The following PPARGC1A variants were observed in gnomAD, a reference collection of about 807,000 sequenced individuals.
The protein encoded by PPARGC1A is PPARG coactivator 1 alpha, also known as peroxisome proliferator-activated receptor gamma coactivator 1-alpha.
Under a neutral mutation model 88.7 loss-of-function variants are expected in PPARGC1A, and 25 were observed. That is an observed-to-expected ratio of 0.28 (90% CI 0.21 to 0.39). PPARGC1A has a LOEUF of 0.39. PPARGC1A is among the 10% of genes least tolerant of loss of function. The pLI, the probability that PPARGC1A is intolerant of heterozygous loss-of-function variation, is 1.00. For synonymous variants in PPARGC1A, 363 were observed against 355.6 expected, an observed-to-expected ratio of 1.02 and a Z score of -0.24; for missense variants, 880 against 968.7, an observed-to-expected ratio of 0.91 and a Z score of 1.22.
chr4:23,965,430 G>A, the PPARGC1A span, among the ~76,000 whole-genome samples: 1 of 152,310 alleles, frequency 6.6e-6, no homozygotes, highest in Admixed American at 6.5e-5. Context: ...TAAGTCTTTA[G>A]TGAAAGCATA....
the PPARGC1A span, among the ~76,000 whole-genome samples, chr4:24,361,199 C>T: frequency 1.3e-5 from 2 of 151,956 alleles, no homozygotes. Context: ...GAGGACAGGG[C>T]GAGAGGTTTA....
At chr4:24,463,205 T>C in the PPARGC1A span, among the ~76,000 whole-genome samples, 1 of 152,212 alleles carries the variant, frequency 6.6e-6, no homozygotes, top group African/African-American at 2.4e-5. Flanking sequence ...CATATTTCTT[T>C]GCATATTAAC....
chr4:24,325,715 C>T, the PPARGC1A span, among the ~76,000 whole-genome samples: 2 of 152,306 alleles, frequency 1.3e-5, no homozygotes, highest in South Asian at 2.1e-4. Context: ...CGTAGACCAC[C>T]ACAGATGCCG....
At chr4:24,399,882 G>C in the PPARGC1A span, among the ~76,000 whole-genome samples, 9 of 151,162 alleles carry the variant, frequency 6.0e-5, no homozygotes, top group African/African-American at 1.7e-4. Flanking sequence ...TCTGCCTTCC[G>C]GATTCAAGCA....
the PPARGC1A span, among the ~76,000 whole-genome samples, chr4:24,469,571 T>C: frequency 6.6e-6 from 1 of 152,142 alleles, no homozygotes; most frequent in African/African-American, 2.4e-5. Context: ...CTCCCCACCA[T>C]ACAATTTCAC....
At chr4:24,136,942 C>T in the PPARGC1A span, among the ~76,000 whole-genome samples, 5 of 151,882 alleles carry the variant, frequency 3.3e-5, no homozygotes, top group East Asian at 5.8e-4. Flanking sequence ...GGTGAAACCC[C>T]GTCTCTACTA....
the PPARGC1A span, among the ~76,000 whole-genome samples, chr4:23,941,358 T>A: frequency 6.6e-6 from 1 of 152,272 alleles, no homozygotes; most frequent in East Asian, 1.9e-4. Context: ...GTACCCAGTT[T>A]TAATTTTTTT....
chr4:24,235,793 T>A, the PPARGC1A span, among the ~76,000 whole-genome samples: 1 of 152,072 alleles, frequency 6.6e-6, no homozygotes. Flanking sequence ...GGGGCAAAGG[T>A]AAGGTAGACT....
the PPARGC1A span, among the ~76,000 whole-genome samples, chr4:23,997,024 G>C: frequency 6.6e-6 from 1 of 152,184 alleles, no homozygotes; most frequent in Non-Finnish European, 1.5e-5. Flanking sequence ...TGATCAATTA[G>C]TGATGTCTGC....
At chr4:23,961,941 A>AGAAAT in the PPARGC1A span, among the ~76,000 whole-genome samples, 1 of 152,148 alleles carries the variant, frequency 6.6e-6, no homozygotes, top group Admixed American at 6.6e-5. Flanking sequence ...CCCTGGACAA[A>AGAAAT]GAAATGGGTT....
At chr4:23,887,502 C>A (rs1362402931) in intron 1 of PPARGC1A, among the ~76,000 whole-genome samples, 1 of 152,148 alleles carries the variant, frequency 6.6e-6, no homozygotes, top group Non-Finnish European at 1.5e-5. Context: ...CATTCTACTG[C>A]CTCTTTGCAA....
chr4:24,442,197 C>T, the PPARGC1A span, among the ~76,000 whole-genome samples: 1 of 152,002 alleles, frequency 6.6e-6, no homozygotes, highest in Non-Finnish European at 1.5e-5. Flanking sequence ...GATGAGTAAA[C>T]TAAATATTCT....
the PPARGC1A span, among the ~76,000 whole-genome samples, chr4:24,043,338 G>A: frequency 0.051 from 7,797 of 152,052 alleles, 500 homozygotes; most frequent in African/African-American, 0.14. Context: ...CAAACTCTTC[G>A]AGTGCTCTTC....
At chr4:24,267,664 AC>A in the PPARGC1A span, among the ~76,000 whole-genome samples, 1 of 152,180 alleles carries the variant, frequency 6.6e-6, no homozygotes, top group Non-Finnish European at 1.5e-5. Flanking sequence ...AGCATTTTAT[AC>A]TCATGACAAT....
At chr4:24,359,942 G>A in the PPARGC1A span, among the ~76,000 whole-genome samples, 1 of 152,128 alleles carries the variant, frequency 6.6e-6, no homozygotes, top group East Asian at 1.9e-4. Context: ...AGCAGCCCGA[G>A]GAAACTAATA....
the PPARGC1A span, among the ~76,000 whole-genome samples, chr4:24,145,395 G>A: frequency 1.1e-4 from 16 of 152,128 alleles, no homozygotes; most frequent in African/African-American, 2.9e-4. Context: ...AGTTGATAAC[G>A]CCATTTGACC....
the PPARGC1A span, among the ~76,000 whole-genome samples, chr4:24,225,043 G>T: frequency 1.3e-5 from 2 of 152,102 alleles, no homozygotes; most frequent in African/African-American, 2.4e-5. Context: ...AGAGGGAGGG[G>T]CTGGGGCTTC....
At chr4:24,314,948 C>T in the PPARGC1A span, among the ~76,000 whole-genome samples, 1 of 151,334 alleles carries the variant, frequency 6.6e-6, no homozygotes, top group Non-Finnish European at 1.5e-5. Flanking sequence ...ATTAATAACT[C>T]TTATGGCATC....
At chr4:24,238,745 ATGTGTGTGTGTGTGTGTGTG>A in the PPARGC1A span, among the ~76,000 whole-genome samples, 10 of 121,902 alleles carry the variant, frequency 8.2e-5, no homozygotes, top group East Asian at 2.6e-4. Flanking sequence ...AAGGTTGTAT[ATGTGTGTGTGTGTGTGTGTG>A]TGTGTGTGTG....
Sources: allele counts gnomAD v4.1 joint callset (sites outside exome capture counted in the v4.1 genomes callset), GRCh38; gene constraint gnomAD v4.1.1; transcripts MANE v1.5; gene names NCBI Gene and HGNC (gene_info 2026-07-23, HGNC 2026-07-21).